Variants in BRSK2 observed in about 807,000 individuals in gnomAD.
BRSK2 encodes BR serine/threonine kinase 2.
In BRSK2, 19 loss-of-function variants were observed where a neutral mutation model predicts 83.3. The ratio of observed to expected loss-of-function variants is 0.23; its 90% CI spans 0.16 to 0.33. The LOEUF (loss-of-function observed/expected upper bound fraction) is 0.33, where lower values mean the gene tolerates loss of function less well. BRSK2 is among the 10% of genes least tolerant of loss of function. The pLI, the probability that BRSK2 is intolerant of heterozygous loss-of-function variation, is 1.00. For synonymous variants in BRSK2, 519 were observed against 435.4 expected (o/e 1.19, Z -2.39); for missense variants, 798 against 1,042.3 (o/e 0.77, Z 3.23).
chr11:1,404,870 C>G (rs1395027876), intron 1 of BRSK2, among the ~76,000 whole-genome samples: 1 of 152,112 alleles, frequency 6.6e-6, no homozygotes, highest in Non-Finnish European at 1.5e-5. Flanking sequence ...GCTCAGCACT[C>G]CCGCTCTGTG....
Position 1,460,812 on chromosome 11 carries a change from G to A in BRSK2, c.*89G>A, listed in dbSNP as rs1380183902. The A allele has an allele frequency of 1.4e-4, 209 of 1,470,390 alleles. No individual in the cohort carries two copies. Among genetic ancestry groups the A allele is most frequent in the Middle Eastern group, 2.0e-4 (1 of 4,880 alleles). 91.1% of individuals were successfully genotyped at this position (1,470,390 alleles called of 1,614,324 possible). On this transcript the variant is annotated 3_prime_UTR_variant, in exon 20 of 20. Coordinates refer to ENST00000528841, the MANE Select transcript of BRSK2 (RefSeq NM_001256627.2). Reference sequence around the variant, plus strand: ...CTGCCCCGAGTGGACCCGCGGCCGCGCCGCCCGTCCGTCCAGACTGTTCTC... The same window carrying A: ...CTGCCCCGAGTGGACCCGCGGCCGCACCGCCCGTCCGTCCAGACTGTTCTC...
intron 1 of BRSK2, among the ~76,000 whole-genome samples, chr11:1,395,991 C>T (rs911647451): frequency 5.9e-5 from 9 of 152,206 alleles, no homozygotes; most frequent in East Asian, 1.9e-4. Context: ...GCAAATCTCA[C>T]GCAGGCCCAG....
chr11:1,392,323 C>T (rs944270846), intron 1 of BRSK2, among the ~76,000 whole-genome samples: 1 of 152,226 alleles, frequency 6.6e-6, no homozygotes, highest in African/African-American at 2.4e-5. Context: ...ACGATCTGAT[C>T]CTGCCGTTGA....
chr11:1,439,128 G>T (rs552530795), intron 3 of BRSK2, among the ~76,000 whole-genome samples: 2 of 152,276 alleles, frequency 1.3e-5, no homozygotes, highest in African/African-American at 2.4e-5. Flanking sequence ...ATCCTAGCCG[G>T]GCATCTCTGA....
rs2133328101 is a variant in BRSK2, at chr11:1,461,285, G to A, written c.*562G>A. The A allele has an allele frequency of 2.0e-6, 1 of 492,098 alleles. No individual in the cohort carries two copies. The highest frequency in any genetic ancestry group is 4.0e-5 in the East Asian group (1 of 25,056). 30.5% of individuals were successfully genotyped at this position (492,098 alleles called of 1,614,324 possible). On this transcript the variant is annotated 3_prime_UTR_variant, in exon 20 of 20. Transcript: ENST00000528841. Reference sequence around the variant, plus strand: ...GTGGGCAACGTAGCCACAGGAACAGGCCCCGTCCACCGCCTCCACGCCGCA... The same window carrying A: ...GTGGGCAACGTAGCCACAGGAACAGACCCCGTCCACCGCCTCCACGCCGCA...
At chr11:1,422,771 TCA>T (rs892372049) in intron 1 of BRSK2, among the ~76,000 whole-genome samples, 11 of 152,052 alleles carry the variant, frequency 7.2e-5, no homozygotes, top group African/African-American at 2.7e-4. Flanking sequence ...CTCCAGAGTC[TCA>T]GTTTTGCCAG....
chr11:1,392,415 C>T (rs1011649564), intron 1 of BRSK2, among the ~76,000 whole-genome samples: 9 of 152,224 alleles, frequency 5.9e-5, no homozygotes, highest in Non-Finnish European at 1.0e-4. Flanking sequence ...GACGCGACTC[C>T]AGCCCCTTCC....
chr11:1,435,932 C>A, intron 1 of BRSK2, 108 bp from the exon 2 acceptor site: 1 of 775,262 alleles, frequency 1.3e-6, no homozygotes, highest in Non-Finnish European at 2.1e-6. Context: ...GCGGGTGGGA[C>A]CCCTGCTGTC....
intron 1 of BRSK2, among the ~76,000 whole-genome samples, chr11:1,425,472 G>T (rs1564825492): frequency 6.6e-6 from 1 of 152,190 alleles, no homozygotes; most frequent in Non-Finnish European, 1.5e-5. Flanking sequence ...GCGGGTTGGT[G>T]ACAGCGACGG....
intron 8 of BRSK2, among the ~76,000 whole-genome samples, chr11:1,444,009 G>C (rs893419605): frequency 6.6e-6 from 1 of 152,108 alleles, no homozygotes; most frequent in South Asian, 2.1e-4. Flanking sequence ...ATTGGGTGAG[G>C]GCGTAGGTGT....
At chr11:1,445,482 T>A in intron 10 of BRSK2, 24 bp downstream of exon 10, 1 of 1,610,366 alleles carries the variant, frequency 6.2e-7, no homozygotes, top group Non-Finnish European at 8.5e-7. Context: ...TGCTCCCGGG[T>A]GGGGCACGGG....
Position 1,423,881 on chromosome 11 carries a change from AC to A in BRSK2, c.92-12154del, listed in dbSNP as rs2132872152. On this transcript the variant is annotated intron_variant, in intron 1 of 19. Transcript: ENST00000528841. The surrounding 1 kb of genome is among the most constrained non-coding windows in gnomAD (Gnocchi z 6.5). ...CCTGGGCCTGCAGAAGTGCTCCCCC[AC>A]CCCCATCTTGCTTTCACCCTCACGT... 8.9e-6 allele frequency among the ~76,000 whole-genome samples: 1 copy of A among 112,642 alleles called. No homozygotes were observed. Among genetic ancestry groups the A allele is most frequent in the South Asian group, 3.0e-4 (1 of 3,360 alleles). The allele number at this position is 112,642 out of a possible 152,430, so 73.9% of individuals were successfully genotyped here. A position where few individuals can be genotyped will look rare whatever the true frequency, so the allele number is the denominator to read the frequency against.
At chr11:1,456,567 C>A in intron 17 of BRSK2, 31 bp from the exon 18 acceptor site, 1 of 1,604,994 alleles carries the variant, frequency 6.2e-7, no homozygotes, top group Non-Finnish European at 8.5e-7. Context: ...GGCCCAGGCC[C>A]GTCCAGGGCA....
At chr11:1,425,157 G>A (rs1053051758) in intron 1 of BRSK2, among the ~76,000 whole-genome samples, 26 of 152,348 alleles carry the variant, frequency 1.7e-4, no homozygotes, top group Middle Eastern at 3.4e-3. Context: ...CGGTCCCGGC[G>A]CTCTCAGCAC....
In BRSK2 at chr11:1,454,158, G is replaced by GGGGGGGCTCACATGT; in HGVS notation, c.1545-316_1545-315insATGTGGGGGGCTCAC. ...CCACCTCTCACAGCGGCCTTGGTGA[G>GGGGGGGCTCACATGT]GGGGGGCTCACCTGTGGGGGGCTCA... On this transcript the variant is annotated intron_variant, in intron 15 of 19. Coordinates refer to ENST00000528841, the MANE Select transcript of BRSK2 (RefSeq NM_001256627.2). The surrounding 1 kb of genome is among the most constrained non-coding windows in gnomAD (Gnocchi z 5.2). The GGGGGGGCTCACATGT allele has an allele frequency of 5.6e-6, 1 of 177,728 alleles. No individual in the cohort carries two copies. The highest frequency in any genetic ancestry group is 1.1e-5 in the Non-Finnish European group (1 of 88,484). 11.0% of individuals were successfully genotyped at this position (177,728 alleles called of 1,614,324 possible).
intron 1 of BRSK2, among the ~76,000 whole-genome samples, chr11:1,397,550 C>A (rs1846206571): frequency 6.6e-6 from 1 of 152,268 alleles, no homozygotes; most frequent in Non-Finnish European, 1.5e-5. Flanking sequence ...GCCGTGGCTG[C>A]CCTACGCTGC....
intron 1 of BRSK2, among the ~76,000 whole-genome samples, chr11:1,427,479 G>A (rs1484131576): frequency 6.6e-6 from 1 of 152,142 alleles, no homozygotes; most frequent in Non-Finnish European, 1.5e-5. Flanking sequence ...CAGCATCCTC[G>A]TGGCATACCC....
intron 1 of BRSK2, among the ~76,000 whole-genome samples, chr11:1,401,939 C>G (rs1846507044): frequency 6.6e-6 from 1 of 152,248 alleles, no homozygotes; most frequent in South Asian, 2.1e-4. Context: ...CTGTGGGTCT[C>G]TGGTTCCGTG....
At chr11:1,451,205 G>C (rs1251636711) in intron 14 of BRSK2, among the ~76,000 whole-genome samples, 166 bp from the exon 15 acceptor site, 1 of 150,856 alleles carries the variant, frequency 6.6e-6, no homozygotes, top group Non-Finnish European at 1.5e-5. Flanking sequence ...CTGCCAGTGG[G>C]CCTCTAAGGT....
Sources: gnomAD v4.1 joint callset for allele counts (sites outside exome capture counted in the v4.1 genomes callset) on GRCh38, gnomAD v4.1.1 for gene constraint, Gnocchi (gnomAD v3.1) non-coding constraint, MANE v1.5 for transcripts, NCBI Gene and HGNC (gene_info 2026-07-23, HGNC 2026-07-21) for gene names.